DTNA: variants seen among roughly 807,000 people sequenced by gnomAD.
DTNA encodes dystrophin-related protein 3.
DTNA carries 43 observed loss-of-function variants against 100.7 expected under a neutral mutation model. The observed-to-expected ratio is 0.43, with a 90% CI of 0.33 to 0.55. DTNA has a LOEUF of 0.55. Among genes scored for constraint, DTNA ranks in the 20% least tolerant of loss-of-function variants. DTNA has a pLI of 0.04. For synonymous variants in DTNA, 349 were observed against 347.9 expected, an observed-to-expected ratio of 1.00 and a Z score of -0.04; for missense variants, 798 against 953.9, an observed-to-expected ratio of 0.84 and a Z score of 2.15.
intron 1 of DTNA, among the ~76,000 whole-genome samples, chr18:34,568,484 C>T (rs2047281100): frequency 6.6e-6 from 1 of 152,152 alleles, no homozygotes; most frequent in African/African-American, 2.4e-5. Context: ...ATTTTATCTC[C>T]ATATTTTCTA....
chr18:34,801,619 C>T (rs2095216312), intron 4 of DTNA, among the ~76,000 whole-genome samples: 1 of 151,388 alleles, frequency 6.6e-6, no homozygotes, highest in Admixed American at 6.6e-5. Context: ...CAAGCAATTC[C>T]CCTGCCTCAG....
Position 34,827,640 on chromosome 18 carries a change from C to T in DTNA, c.1049C>T (p.Ser350Phe), listed in dbSNP as rs771938527. 1 of 1,613,954 alleles carries T rather than the reference C, an allele frequency of 6.2e-7. No homozygotes were observed. Among genetic ancestry groups the T allele is most frequent in the East Asian group, 2.2e-5 (1 of 44,864 alleles). ...ATGAACGACACCCTGTTCTCCCACT[C>T]TGTTCCCTCCTCAGGAAGTCCTTTT... ...TSMNDTLFSH[S>F]VPSSGSPFIT... Residue 350 changes from serine to phenylalanine, a missense_variant, in exon 10 of 23, where the codon TCT (serine) becomes TTT (phenylalanine). Physicochemically the swap from Ser to Phe is radical, Grantham distance 155. Coordinates refer to ENST00000444659, the MANE Select transcript of DTNA (RefSeq NM_001386795.1).
At chr18:34,566,423 A>C (rs983660609) in intron 1 of DTNA, among the ~76,000 whole-genome samples, 7 of 152,356 alleles carry the variant, frequency 4.6e-5, no homozygotes, top group African/African-American at 1.7e-4. Flanking sequence ...AAGTTTGACA[A>C]ACATCTAGAA....
chr18:34,499,235 T>A (rs1413467175), intron 1 of DTNA, among the ~76,000 whole-genome samples: 1 of 152,196 alleles, frequency 6.6e-6, no homozygotes, highest in Non-Finnish European at 1.5e-5. Context: ...GAATTATACA[T>A]AATGGGAACT....
intron 1 of DTNA, among the ~76,000 whole-genome samples, chr18:34,660,292 G>T (rs994442640): frequency 6.6e-6 from 1 of 151,836 alleles, no homozygotes; most frequent in African/African-American, 2.4e-5. Flanking sequence ...GAGAGGAAGT[G>T]GGGGGTCAGA....
intron 1 of DTNA, among the ~76,000 whole-genome samples, chr18:34,494,745 T>TA (rs1312609178): frequency 6.6e-6 from 1 of 152,154 alleles, no homozygotes; most frequent in Non-Finnish European, 1.5e-5. Flanking sequence ...ATTCTTATTC[T>TA]AAAAAAATTG....
intron 1 of DTNA, among the ~76,000 whole-genome samples, chr18:34,586,760 G>A (rs2049178057): frequency 6.6e-6 from 1 of 152,056 alleles, no homozygotes; most frequent in African/African-American, 2.4e-5. Flanking sequence ...CACTTCTTAA[G>A]CAGTATCACA....
At chr18:34,497,360 C>T (rs546085489) in intron 1 of DTNA, among the ~76,000 whole-genome samples, 1 of 152,226 alleles carries the variant, frequency 6.6e-6, no homozygotes, top group South Asian at 2.1e-4. Flanking sequence ...ATAGGAGTGA[C>T]TAAATTTATT....
At chr18:34,826,129 T>G (rs371949262) in intron 9 of DTNA, among the ~76,000 whole-genome samples, 130 of 152,340 alleles carry the variant, frequency 8.5e-4, no homozygotes, top group African/African-American at 2.9e-3. Context: ...GCTGTTGTTT[T>G]GGCTTCATCC....
rs141455180 is a variant in DTNA, at chr18:34,737,775, A to G, written c.-1-18201A>G. 3.3e-5 allele frequency: 5 copies of G among 152,318 alleles called. No homozygotes were observed. In the East Asian group the frequency reaches 9.7e-4, roughly 30 times the overall value. The allele number at this position is 152,318 out of a possible 1,614,324, so 9.4% of individuals were successfully genotyped here. The stretch of plus-strand genomic sequence containing the variant: ...TTTCCTCCACTATGAAGTATAAGCC[A>G]CGTGACCCGGCTGTAGTCAGTGTAG... On this transcript the variant is annotated intron_variant, in intron 1 of 22. Coordinates refer to ENST00000444659, the MANE Select transcript of DTNA (RefSeq NM_001386795.1).
In DTNA at chr18:34,851,884, TAAGCAGCA is replaced by T. The variant is rs752694182; in HGVS notation, c.1492_1499del (p.Gln498AlafsTer5). ...ACATCTCTTTCACCATCGATGCGAA[TAAGCAGCA>T]AAGGCAGCTGATTGCTGAGCTAGAA... is the stretch of plus-strand genomic sequence containing the variant. On this transcript the variant is annotated frameshift_variant, in exon 15 of 23. Coordinates refer to ENST00000444659, the MANE Select transcript of DTNA (RefSeq NM_001386795.1). LOFTEE classifies it high-confidence loss of function. 1 of 1,614,086 alleles carries T rather than the reference TAAGCAGCA, an allele frequency of 6.2e-7. No homozygotes were observed. The highest frequency in any genetic ancestry group is 8.5e-7 in the Non-Finnish European group (1 of 1,179,930).
intron 8 of DTNA, 151 bp from the exon 9 acceptor site, chr18:34,820,640 T>C (rs1210002728): frequency 6.2e-6 from 8 of 1,284,330 alleles, no homozygotes; most frequent in Non-Finnish European, 8.7e-6. Context: ...GGAAACTCTT[T>C]TCCGAGCATT....
chr18:34,810,429 C>T (rs533658534), intron 5 of DTNA, among the ~76,000 whole-genome samples: 12 of 151,062 alleles, frequency 7.9e-5, no homozygotes, highest in African/African-American at 2.4e-4. Flanking sequence ...AAATAAGTCA[C>T]GCACGGAAAG....
chr18:34,739,195 AT>A (rs1168887791), intron 1 of DTNA, among the ~76,000 whole-genome samples: 1 of 152,214 alleles, frequency 6.6e-6, no homozygotes, highest in East Asian at 1.9e-4. Context: ...TATATTAAAA[AT>A]AAACACATTT....
intron 1 of DTNA, among the ~76,000 whole-genome samples, chr18:34,702,691 C>A (rs189114706): frequency 6.8e-4 from 103 of 152,290 alleles, no homozygotes; most frequent in Middle Eastern, 3.4e-3. Context: ...ATAAACACAG[C>A]ATTTTTTTCT....
chr18:34,879,712 G>A lies in DTNA; in HGVS notation c.2155G>A (p.Gly719Ser), dbSNP rs1189601395. 1.2e-6 allele frequency: 2 copies of A among 1,614,008 alleles called. No homozygotes were observed. Among genetic ancestry groups the A allele is most frequent in the East Asian group, 4.5e-5 (2 of 44,860 alleles). The change falls in exon 20 of 23, where the codon GGC (glycine) becomes AGC (serine). Residue 719 changes from glycine (G) to serine (S), a missense_variant. Physicochemically the swap from Gly to Ser is moderately conservative, Grantham distance 56. Coordinates refer to ENST00000444659, the MANE Select transcript of DTNA (RefSeq NM_001386795.1). ...HSGATTSTMR[G>S]DMVTEDADPY... ...TGGAGCTACCACAAGTACCATGCGT[G>A]GCGACATGTGAGTATCTTCCGCTTG... is the stretch of plus-strand genomic sequence containing the variant.
At chr18:34,860,186 AC>A (rs1292360021) in intron 16 of DTNA, among the ~76,000 whole-genome samples, 1 of 146,756 alleles carries the variant, frequency 6.8e-6, no homozygotes, top group Non-Finnish European at 1.5e-5. Flanking sequence ...AGCTGGGATT[AC>A]AGGCGCGTGC....
intron 3 of DTNA, among the ~76,000 whole-genome samples, chr18:34,783,946 A>G (rs2094426755): frequency 6.6e-6 from 1 of 152,218 alleles, no homozygotes; most frequent in Admixed American, 6.5e-5. Flanking sequence ...ATTCCTCTGA[A>G]TCAAAGGAGC....
chr18:34,881,942 A>G, intron 20 of DTNA, 127 bp from the exon 21 acceptor site: 1 of 1,288,236 alleles, frequency 7.8e-7, no homozygotes, highest in Non-Finnish European at 1.1e-6. Flanking sequence ...ACTAAAGAAG[A>G]CATGAAAGTG....
Sources: gnomAD v4.1 joint callset for allele counts (sites outside exome capture counted in the v4.1 genomes callset) on GRCh38, gnomAD v4.1.1 for gene constraint, MANE v1.5 for transcripts, NCBI Gene and HGNC (gene_info 2026-07-23, HGNC 2026-07-21) for gene names.